Variants in FBLN1 observed in about 807,000 individuals in gnomAD.
FBLN1 encodes the protein fibulin-1.
FBLN1 carries 34 observed loss-of-function variants against 89.7 expected under a neutral mutation model. The observed-to-expected ratio is 0.38, with a 90% CI of 0.29 to 0.50. The LOEUF (loss-of-function observed/expected upper bound fraction) is 0.50, where lower values mean the gene tolerates loss of function less well. FBLN1 is among the 20% of genes least tolerant of loss of function. The pLI, the probability that FBLN1 is intolerant of heterozygous loss-of-function variation, is 0.92. For synonymous variants in FBLN1, 393 were observed against 391.3 expected (o/e 1.00, Z -0.05); for missense variants, 777 against 988.1 (o/e 0.79, Z 2.86).
At position 45,556,854 on chromosome 22, in the gene FBLN1, C is replaced by T. The variant is rs185453005; in HGVS notation, c.1697+6239C>T. On this transcript the variant is annotated intron_variant, in intron 14 of 16. Coordinates refer to ENST00000327858, the MANE Select transcript of FBLN1 (RefSeq NM_006486.3). The surrounding 1 kb of genome is among the most constrained non-coding windows in gnomAD (Gnocchi z 4.6). ...CCAGCAGAACGTAATGTTGCAGGAA[C>T]AGGAAGCAAAAATTTTGCTAGTGGA... 6.6e-6 allele frequency among the ~76,000 whole-genome samples: 1 copy of T among 152,222 alleles called. No homozygotes were observed. The highest frequency in any genetic ancestry group is 1.9e-4 in the East Asian group (1 of 5,180).
chr22:45,519,621 ACT>A (rs1196103068), intron 2 of FBLN1, among the ~76,000 whole-genome samples: 16 of 110,980 alleles, frequency 1.4e-4, no homozygotes, highest in Non-Finnish European at 1.6e-4. Flanking sequence ...CGAAACTCTA[ACT>A]CAAAAAAAAA....
intron 3 of FBLN1, among the ~76,000 whole-genome samples, chr22:45,526,296 G>A (rs1009988301): frequency 1.6e-4 from 24 of 152,160 alleles, no homozygotes; most frequent in African/African-American, 5.3e-4. Context: ...AGGACCCTAC[G>A]TGCTAGCAGG....
In FBLN1 at chr22:45,562,390, A is replaced by G. The variant is rs1488290562; in HGVS notation, c.1697+11775A>G. 6.6e-6 allele frequency among the ~76,000 whole-genome samples: 1 copy of G among 152,218 alleles called. No individual in the cohort carries two copies. Among genetic ancestry groups the G allele is most frequent in the Non-Finnish European group, 1.5e-5 (1 of 68,034 alleles). Reference sequence around the variant, plus strand: ...TCTGAGCCTCAGTGTCCTCATGTGAAAAATATCACCGAAGCCACTGTCATG... The same window carrying G: ...TCTGAGCCTCAGTGTCCTCATGTGAGAAATATCACCGAAGCCACTGTCATG... On this transcript the variant is annotated intron_variant, in intron 14 of 16. Transcript: ENST00000327858. The surrounding 1 kb of genome is among the most constrained non-coding windows in gnomAD (Gnocchi z 7.8).
Position 45,584,784 on chromosome 22 carries a change from C to T in FBLN1, c.1972+7676C>T, listed in dbSNP as rs577739658. ...ATGATGGGACAGGGCCAGGACCGTC[C>T]AGCCCAAAGTGGCTCCAACTGCCCA... On this transcript the variant is annotated intron_variant, in intron 16 of 16. Transcript: ENST00000327858. 4.6e-5 allele frequency among the ~76,000 whole-genome samples: 7 copies of T among 152,360 alleles called. No individual in the cohort carries two copies. The East Asian group carries it at 1.3e-3, about 29-fold the overall frequency.
chr22:45,520,269 T>C (rs908751495), intron 2 of FBLN1, among the ~76,000 whole-genome samples: 8 of 151,874 alleles, frequency 5.3e-5, no homozygotes, highest in African/African-American at 1.9e-4. Flanking sequence ...CAGAGCAGAG[T>C]ATAAGGGGCA....
chr22:45,527,804 G>C, intron 3 of FBLN1, 43 bp from the exon 4 acceptor site: 2 of 1,611,468 alleles, frequency 1.2e-6, no homozygotes, highest in South Asian at 1.1e-5. Flanking sequence ...CCGCTGGGCT[G>C]TCTGCCCGCT....
At chr22:45,522,351 C>A (rs1158552935) in intron 2 of FBLN1, among the ~76,000 whole-genome samples, 4 of 152,194 alleles carry the variant, frequency 2.6e-5, no homozygotes, top group Non-Finnish European at 5.9e-5. Flanking sequence ...AGTTTTTGTT[C>A]ATTCAACAAA....
intron 2 of FBLN1, among the ~76,000 whole-genome samples, chr22:45,522,463 C>G (rs1403651001): frequency 6.6e-6 from 1 of 152,148 alleles, no homozygotes; most frequent in Non-Finnish European, 1.5e-5. Flanking sequence ...GGTGTGAGGC[C>G]CTGAGGGTCC....
In FBLN1 at chr22:45,583,278, A is replaced by C. The variant is rs2147034607; in HGVS notation, c.1972+6170A>C. On this transcript the variant is annotated intron_variant, in intron 16 of 16. Transcript: ENST00000327858. This position sits in a 1 kb window ranked among gnomAD's most constrained non-coding sequence, Gnocchi z 4.5. ...CAGCTGCTGCAGGATTCCTTAGAGAAGCTGAAGGGTTTGGGTCCTCAGCTC... is the reference window on the plus strand; with the variant it reads ...CAGCTGCTGCAGGATTCCTTAGAGACGCTGAAGGGTTTGGGTCCTCAGCTC... Among the ~76,000 whole-genome samples the C allele has an allele frequency of 6.6e-6, 1 of 152,266 alleles. No individual in the cohort carries two copies. Among genetic ancestry groups the C allele is most frequent in the African/African-American group, 2.4e-5 (1 of 41,558 alleles).
chr22:45,513,619 G>A (rs1268676783), intron 1 of FBLN1, among the ~76,000 whole-genome samples: 1 of 152,052 alleles, frequency 6.6e-6, no homozygotes, highest in Non-Finnish European at 1.5e-5. Flanking sequence ...TTCCCAAACT[G>A]TTAAATACTA....
At chr22:45,582,327 G>C (rs2089049371) in intron 16 of FBLN1, among the ~76,000 whole-genome samples, 1 of 152,216 alleles carries the variant, frequency 6.6e-6, no homozygotes, top group Admixed American at 6.5e-5. Flanking sequence ...CAGTCACAGT[G>C]CTCCCGGCCA....
At chr22:45,599,690 G>A (rs1423485099) in intron 16 of FBLN1, among the ~76,000 whole-genome samples, 2 of 152,238 alleles carry the variant, frequency 1.3e-5, no homozygotes, top group Admixed American at 6.5e-5. Context: ...GGCCAAAGCG[G>A]GTGGATCACC....
chr22:45,521,937 A>C (rs547519028), intron 2 of FBLN1, among the ~76,000 whole-genome samples: 3 of 152,288 alleles, frequency 2.0e-5, no homozygotes, highest in Admixed American at 6.5e-5. Context: ...AAAAGATGCA[A>C]AAAACAGGGA....
rs1479833524 is a variant in FBLN1, at chr22:45,549,397, A to G, written c.1573+653A>G. Among the ~76,000 whole-genome samples the G allele has an allele frequency of 6.6e-6, 1 of 151,988 alleles. No individual in the cohort carries two copies. The highest frequency in any genetic ancestry group is 1.9e-4 in the East Asian group (1 of 5,152). On this transcript the variant is annotated intron_variant, in intron 13 of 16. Transcript: ENST00000327858. The surrounding 1 kb of genome is among the most constrained non-coding windows in gnomAD (Gnocchi z 5.7). ...CAGTTCCTCGGGAGCCCCACACAGGACTGTGGATCCTGGGGCTCTGGAAGC... is the reference window on the plus strand; with the variant it reads ...CAGTTCCTCGGGAGCCCCACACAGGGCTGTGGATCCTGGGGCTCTGGAAGC...
intron 14 of FBLN1, chr22:45,565,263 T>G: frequency 7.4e-7 from 1 of 1,358,710 alleles, no homozygotes; most frequent in Non-Finnish European, 9.7e-7. Context: ...TCCCAGCAGA[T>G]GAAGCATAGC....
rs999561459 is a variant in FBLN1, at chr22:45,536,138, C to T, written c.922+801C>T. 3.3e-5 allele frequency among the ~76,000 whole-genome samples: 5 copies of T among 152,150 alleles called. No homozygotes were observed. Among genetic ancestry groups the T allele is most frequent in the African/African-American group, 1.2e-4 (5 of 41,420 alleles). On this transcript the variant is annotated intron_variant, in intron 8 of 16. Transcript: ENST00000327858. The surrounding 1 kb of genome is among the most constrained non-coding windows in gnomAD (Gnocchi z 5.1). ...GCAGTGAGCTGTGATCGTGCTACTG[C>T]ACTCCAGTCTGGGCAACAGAGCAAG...
At chr22:45,570,345 GAA>G (rs2088941925) in intron 14 of FBLN1, among the ~76,000 whole-genome samples, 2 of 62,866 alleles carry the variant, frequency 3.2e-5, no homozygotes, top group African/African-American at 6.8e-5. Context: ...AAAAAGAAAA[GAA>G]AAGAAAAGAA....
In FBLN1 at chr22:45,588,396, G is replaced by C. The variant is rs555412457; in HGVS notation, c.1972+11288G>C. 6.6e-6 allele frequency among the ~76,000 whole-genome samples: 1 copy of C among 152,296 alleles called. No homozygotes were observed. Among genetic ancestry groups the C allele is most frequent in the Admixed American group, 6.5e-5 (1 of 15,302 alleles). Reference sequence around the variant, plus strand: ...GGGAAACACCAGGAGTTGTGGCATTGGGAGTTTCTTCGCTTGACTTTCAAT... The same window carrying C: ...GGGAAACACCAGGAGTTGTGGCATTCGGAGTTTCTTCGCTTGACTTTCAAT... On this transcript the variant is annotated intron_variant, in intron 16 of 16. Coordinates refer to ENST00000327858, the MANE Select transcript of FBLN1 (RefSeq NM_006486.3). This position sits in a 1 kb window ranked among gnomAD's most constrained non-coding sequence, Gnocchi z 5.1.
Position 45,525,454 on chromosome 22 carries a change from C to T in FBLN1, c.186-89C>T, listed in dbSNP as rs544878922. 12 of 1,238,184 alleles carry T rather than the reference C, an allele frequency of 9.7e-6. No homozygotes were observed. In the African/African-American group the frequency reaches 1.5e-4, roughly 15 times the overall value. 76.7% of individuals were successfully genotyped at this position (1,238,184 alleles called of 1,614,324 possible). A position where few individuals can be genotyped will look rare whatever the true frequency, so the allele number is the denominator to read the frequency against. Reference sequence around the variant, plus strand: ...CTGTGGGAGCAGGGAAGGGGAGGCTCAAAGGTGAGAGCACCCCCACCCCCG... The same window carrying T: ...CTGTGGGAGCAGGGAAGGGGAGGCTTAAAGGTGAGAGCACCCCCACCCCCG... On this transcript the variant is annotated intron_variant, in intron 2 of 16. Transcript: ENST00000327858.
Sources: gnomAD v4.1 joint callset for allele counts (sites outside exome capture counted in the v4.1 genomes callset) on GRCh38, gnomAD v4.1.1 for gene constraint, Gnocchi (gnomAD v3.1) non-coding constraint, MANE v1.5 for transcripts, NCBI Gene and HGNC (gene_info 2026-07-23, HGNC 2026-07-21) for gene names.